The following XPC variants were observed in gnomAD, a reference collection of about 807,000 sequenced individuals.
The protein encoded by XPC is DNA repair protein complementing XP-C cells.
In XPC, 76 loss-of-function variants were observed where a neutral mutation model predicts 95.8. The observed-to-expected ratio is 0.79, with a 90% CI of 0.66 to 0.96. XPC has a LOEUF of 0.96. Ranked by LOEUF, XPC falls within the 40% of genes least tolerant of loss-of-function variation. XPC has a pLI of 0.00. For missense variants in XPC, 1,146 were observed against 1,179.8 expected, an observed-to-expected ratio of 0.97 and a Z score of 0.42; for synonymous variants, 442 against 442.1, an observed-to-expected ratio of 1.00 and a Z score of 0.00.
intron 5 of XPC, 149 bp from the exon 6 acceptor site, chr3:14,165,734 C>A (rs1308940588): frequency 1.2e-6 from 1 of 854,720 alleles, no homozygotes; most frequent in Non-Finnish European, 1.8e-6. Context: ...GCATTGGCCA[C>A]TTCCCAAGCT....
Position 14,159,308 on chromosome 3 carries a change from G to A in XPC, c.991-416C>T, listed in dbSNP as rs539611792. Among the ~76,000 whole-genome samples the A allele has an allele frequency of 2.0e-3, 304 of 152,260 alleles. 1 individual carries two copies. Among genetic ancestry groups the A allele is most frequent in the African/African-American group, 6.3e-3 (260 of 41,538 alleles). ...AAATACTTATGGACTTAATACAGCTGTAGTTTTAAGAATACAGATATTATG... is the reference window on the plus strand; with the variant it reads ...AAATACTTATGGACTTAATACAGCTATAGTTTTAAGAATACAGATATTATG... On this transcript the variant is annotated intron_variant, in intron 8 of 15. Coordinates refer to ENST00000285021, the MANE Select transcript of XPC (RefSeq NM_004628.5).
rs749372613 is a variant in XPC, at chr3:14,145,899, G to C, written c.*42C>G. Reference sequence around the variant, plus strand: ...AGGGCAGGTGTGGGGCCTGTAGTGGGGCAGCAGCAACTGGTGGGTGCCCCT... The same window carrying C: ...AGGGCAGGTGTGGGGCCTGTAGTGGCGCAGCAGCAACTGGTGGGTGCCCCT... On this transcript the variant is annotated 3_prime_UTR_variant, in exon 16 of 16. Coordinates refer to ENST00000285021, the MANE Select transcript of XPC (RefSeq NM_004628.5). The C allele has an allele frequency of 6.3e-7, 1 of 1,583,078 alleles. No homozygotes were observed. Among genetic ancestry groups the C allele is most frequent in the African/African-American group, 1.3e-5 (1 of 74,118 alleles).
At chr3:14,175,733 C>T (rs573467244) in intron 1 of XPC, among the ~76,000 whole-genome samples, 14 of 152,346 alleles carry the variant, frequency 9.2e-5, no homozygotes, top group African/African-American at 3.4e-4. Context: ...GTATCACCTT[C>T]ATTTGCATGT....
chr3:14,148,796 T>A lies in XPC; in HGVS notation c.2250+18A>T, dbSNP rs559282765. 3.7e-6 allele frequency: 6 copies of A among 1,613,856 alleles called. No homozygotes were observed. The South Asian group carries it at 5.5e-5, about 15-fold the overall frequency. On this transcript the variant is annotated intron_variant, in intron 12 of 15. Coordinates refer to ENST00000285021, the MANE Select transcript of XPC (RefSeq NM_004628.5). ...AACAAGGCGGCCTGGTCCTGAGCCC[T>A]TCTGATGCTGCCCTTACCTTCCCGT...
In XPC at chr3:14,172,861, T is replaced by C. The variant is rs377664851; in HGVS notation, c.299+6A>G. On this transcript the variant is annotated splice_donor_region_variant and intron_variant, in intron 2 of 15. Coordinates refer to ENST00000285021, the MANE Select transcript of XPC (RefSeq NM_004628.5). ...GACCCGAGACAAAGCTTTGCAGACATCTCACCTGAGGTCATCCCCATCGCT... is the reference window on the plus strand; with the variant it reads ...GACCCGAGACAAAGCTTTGCAGACACCTCACCTGAGGTCATCCCCATCGCT... The C allele has an allele frequency of 5.6e-6, 9 of 1,611,190 alleles. No homozygotes were observed. Among genetic ancestry groups the C allele is most frequent in the Non-Finnish European group, 5.9e-6 (7 of 1,178,862 alleles).
intron 10 of XPC, chr3:14,152,746 G>T: frequency 3.8e-6 from 1 of 264,612 alleles, no homozygotes. Flanking sequence ...ATGGGGTAAA[G>T]GCCGCTGTGC....
rs538921333 is a variant in XPC at position 14,158,070 on chromosome 3, C to T, written c.1813G>A (p.Glu605Lys). ...KCRVDAEWWA[E>K]TLRPYQSPFM... ...GGGCTCTGGTATGGTCTCAAGGTCT[C>T]GGCCCACCACTCAGCATCAACCCGG... The change falls in exon 9 of 16, where the codon GAG becomes AAG. Residue 605 changes from glutamate (E) to lysine (K), a missense_variant. Coordinates refer to ENST00000285021, the MANE Select transcript of XPC (RefSeq NM_004628.5). This position sits in a 1 kb window ranked among gnomAD's most constrained non-coding sequence, Gnocchi z 5.2. 10 of 1,613,706 alleles carry T rather than the reference C, an allele frequency of 6.2e-6. No homozygotes were observed. The highest frequency in any genetic ancestry group is 2.2e-5 in the South Asian group (2 of 91,074).
intron 1 of XPC, among the ~76,000 whole-genome samples, chr3:14,177,705 AT>A (rs34014908): frequency 0.93 from 137,337 of 147,286 alleles, 64,288 homozygotes; most frequent in Non-Finnish European, 0.98. Context: ...GCAGGGCATG[AT>A]TTTTTTTTTT....
In XPC at chr3:14,150,609, C is replaced by T. The variant is rs139877682; in HGVS notation, c.2116-1661G>A. On this transcript the variant is annotated intron_variant, in intron 11 of 15. Transcript: ENST00000285021. Reference sequence around the variant, plus strand: ...ACCCAGTCATGAAGGAGGGATGGAGCGAGGACAGTCTTTGCTCTTAGGAGC... The same window carrying T: ...ACCCAGTCATGAAGGAGGGATGGAGTGAGGACAGTCTTTGCTCTTAGGAGC... Among the ~76,000 whole-genome samples the T allele has an allele frequency of 2.1e-3, 325 of 152,270 alleles. 2 individuals are homozygous for T. Among genetic ancestry groups the T allele is most frequent in the African/African-American group, 7.5e-3 (312 of 41,560 alleles).
At chr3:14,159,605 A>ACT in intron 8 of XPC, 136 bp downstream of exon 8, 1 of 852,590 alleles carries the variant, frequency 1.2e-6, no homozygotes, top group Non-Finnish European at 1.9e-6. Flanking sequence ...TCCCTAACAC[A>ACT]GGGTATGTGC....
intron 2 of XPC, among the ~76,000 whole-genome samples, chr3:14,171,404 T>A (rs952664193): frequency 1.3e-5 from 2 of 152,096 alleles, no homozygotes; most frequent in African/African-American, 4.8e-5. Flanking sequence ...ATGACCACAG[T>A]CAATGCTCAG....
chr3:14,151,525 A>G (rs1223821746), intron 11 of XPC: 1 of 152,132 alleles, frequency 6.6e-6, no homozygotes, highest in African/African-American at 2.4e-5. Context: ...GCTGGCAGTG[A>G]CTGTGACCAG....
At chr3:14,165,703 T>C (rs1696352122) in intron 5 of XPC, 118 bp from the exon 6 acceptor site, 1 of 1,259,048 alleles carries the variant, frequency 7.9e-7, no homozygotes, top group Non-Finnish European at 1.1e-6. Context: ...CATTTCTACA[T>C]ATAAGAAAGT....
intron 7 of XPC, among the ~76,000 whole-genome samples, chr3:14,163,208 A>G (rs1410406248): frequency 1.3e-5 from 2 of 152,226 alleles, no homozygotes; most frequent in Admixed American, 1.3e-4. Flanking sequence ...TTCTCCAAAA[A>G]TTACATATAG....
At chr3:14,149,065 T>C in intron 11 of XPC, 117 bp from the exon 12 acceptor site, 2 of 1,405,054 alleles carry the variant, frequency 1.4e-6, no homozygotes, top group Non-Finnish European at 1.9e-6. Context: ...AGAACACACC[T>C]ACCAGCTGGG....
chr3:14,168,640 A>G (rs573434207), intron 3 of XPC, among the ~76,000 whole-genome samples: 27 of 152,148 alleles, frequency 1.8e-4, no homozygotes, highest in African/African-American at 6.3e-4. Context: ...GCATAGAGAT[A>G]CTGGGTTGAA....
intron 10 of XPC, among the ~76,000 whole-genome samples, 166 bp downstream of exon 10, chr3:14,156,169 T>G (rs1419999790): frequency 6.6e-6 from 1 of 152,106 alleles, no homozygotes; most frequent in Non-Finnish European, 1.5e-5. Flanking sequence ...ATTTTCAAAT[T>G]TTCTTCTCTC....
intron 7 of XPC, 105 bp from the exon 8 acceptor site, chr3:14,159,935 A>C: frequency 1.7e-6 from 2 of 1,146,378 alleles, no homozygotes; most frequent in Non-Finnish European, 2.5e-6. Flanking sequence ...GAAAAGCTGG[A>C]AACAGCCAGA....
At chr3:14,152,551 G>T in intron 10 of XPC, 135 bp from the exon 11 acceptor site, 2 of 763,000 alleles carry the variant, frequency 2.6e-6, no homozygotes, top group Non-Finnish European at 2.0e-6. Flanking sequence ...GCTCCTAGGG[G>T]GCCCAGAGAA....
Sources: allele counts gnomAD v4.1 joint callset (sites outside exome capture counted in the v4.1 genomes callset), GRCh38; gene constraint gnomAD v4.1.1; non-coding constraint Gnocchi (gnomAD v3.1); transcripts MANE v1.5; gene names NCBI Gene and HGNC (gene_info 2026-07-23, HGNC 2026-07-21).